Variants in SLC4A9 observed in about 807,000 individuals in gnomAD.
The protein encoded by SLC4A9 is anion exchange protein 4.
SLC4A9 carries 102 observed loss-of-function variants against 103.2 expected under a neutral mutation model. The observed-to-expected ratio is 0.99, with a 90% CI of 0.84 to 1.17. SLC4A9 has a LOEUF of 1.17. SLC4A9 is among the 50% of genes most tolerant of loss of function. SLC4A9 has a pLI of 0.00. For missense variants in SLC4A9, 1,091 were observed against 1,193.7 expected, an observed-to-expected ratio of 0.91 and a Z score of 1.27; for synonymous variants, 453 against 483.6, an observed-to-expected ratio of 0.94 and a Z score of 0.83.
At chr5:140,361,015 C>A in intron 2 of SLC4A9, 43 bp downstream of exon 2, 1 of 1,494,126 alleles carries the variant, frequency 6.7e-7, no homozygotes. Context: ...GTAGCCATGC[C>A]TTTTCCCCAG....
chr5:140,364,838 A>G (rs918528082), intron 11 of SLC4A9, among the ~76,000 whole-genome samples: 1 of 152,230 alleles, frequency 6.6e-6, no homozygotes, highest in African/African-American at 2.4e-5. Flanking sequence ...ACACTGATAA[A>G]GGAACATGGG....
chr5:140,372,943 C>T (rs980521221), intron 21 of SLC4A9, 100 bp downstream of exon 21: 10 of 647,466 alleles, frequency 1.5e-5, no homozygotes, highest in South Asian at 9.8e-5. Context: ...TTTCTCCTTA[C>T]TCCAGTCCCT....
chr5:140,365,065 C>T (rs1482502623), intron 11 of SLC4A9, among the ~76,000 whole-genome samples: 3 of 152,208 alleles, frequency 2.0e-5, no homozygotes, highest in African/African-American at 4.8e-5. Context: ...TCAAATATAT[C>T]ACTGCTCTTC....
Position 140,371,181 on chromosome 5 carries a change from A to G in SLC4A9, c.2496+18A>G. 6.3e-7 allele frequency: 1 copy of G among 1,599,754 alleles called. No homozygotes were observed. Among genetic ancestry groups the G allele is most frequent in the Non-Finnish European group, 8.5e-7 (1 of 1,172,514 alleles). On this transcript the variant is annotated intron_variant, in intron 18 of 21. Transcript: ENST00000506757. ...GCATTCAGGTGAGCCCATTAAAATC[A>G]CCTAACAAAAGAAAAAAGAAGAATA...
At chr5:140,370,960 CAT>C (rs1278604067) in intron 17 of SLC4A9, 133 bp from the exon 18 acceptor site, 4 of 649,606 alleles carry the variant, frequency 6.2e-6, no homozygotes, top group East Asian at 2.8e-5. Context: ...CGGCATGAAA[CAT>C]GTGAAAGGAA....
intron 17 of SLC4A9, 80 bp downstream of exon 17, chr5:140,368,739 C>T (rs1768273583): frequency 2.4e-6 from 3 of 1,226,658 alleles, no homozygotes; most frequent in Admixed American, 4.0e-5. Flanking sequence ...TAGTTGAATA[C>T]TTACAGTGTG....
intron 6 of SLC4A9, 115 bp from the exon 7 acceptor site, chr5:140,362,797 T>A (rs1333857078): frequency 7.6e-7 from 1 of 1,313,486 alleles, no homozygotes; most frequent in East Asian, 2.3e-5. Flanking sequence ...CATAAAGGAA[T>A]GTGTGAATGA....
chr5:140,373,381 A>G (rs758139698), intron 21 of SLC4A9, among the ~76,000 whole-genome samples: 2 of 152,196 alleles, frequency 1.3e-5, no homozygotes, highest in Non-Finnish European at 1.5e-5. Context: ...ATGGTCCCTG[A>G]CCTCAGGAAA....
intron 15 of SLC4A9, 48 bp downstream of exon 15, chr5:140,367,629 G>T: frequency 6.3e-7 from 1 of 1,599,814 alleles, no homozygotes; most frequent in East Asian, 2.3e-5. Flanking sequence ...GAAGCTCCAG[G>T]GGAGTCTACG....
chr5:140,363,166 A>G lies in SLC4A9; in HGVS notation c.962+100A>G, dbSNP rs1767359005. On this transcript the variant is annotated intron_variant, in intron 7 of 21. Coordinates refer to ENST00000506757, the MANE Select transcript of SLC4A9 (RefSeq NM_031467.3). The surrounding 1 kb of genome is among the most constrained non-coding windows in gnomAD (Gnocchi z 4.5). ...GTGGTGTCCCAGGAAAGAGATAGGG[A>G]CCTATCTTTGGATTTGGAGTCAGGC... is the stretch of plus-strand genomic sequence containing the variant. 2.8e-6 allele frequency: 4 copies of G among 1,447,896 alleles called. No homozygotes were observed. The South Asian group carries it at 3.9e-5, about 14-fold the overall frequency. 89.7% of individuals were successfully genotyped at this position (1,447,896 alleles called of 1,614,324 possible).
At chr5:140,373,037 TC>T (rs1486786153) in intron 21 of SLC4A9, among the ~76,000 whole-genome samples, 194 bp downstream of exon 21, 2 of 152,176 alleles carry the variant, frequency 1.3e-5, no homozygotes, top group Non-Finnish European at 2.9e-5. Flanking sequence ...TGGGCTTGGC[TC>T]CCTGTGGTTC....
At position 140,360,389 on chromosome 5, in the gene SLC4A9, C is replaced by G. The variant is rs80326836; in HGVS notation, c.153C>G (p.Pro51=). The change falls in exon 1 of 22, where the codon CCC becomes CCG. Residue 51 remains proline, a synonymous_variant. Coordinates refer to ENST00000506757, the MANE Select transcript of SLC4A9 (RefSeq NM_031467.3). ...CAGAGAGCAAGGAACTGGGAGTACC[C>G]AAAGACCCTCTGCTCTTCATTCAGC... ...SDTESKELGV[P]KDPLLFIQLN... is the part of the protein sequence containing the mutation. 1,226 of 1,605,542 alleles carry G rather than the reference C, an allele frequency of 7.6e-4. 25 individuals carry two copies. In the East Asian group the frequency reaches 0.026, roughly 34 times the overall value.
Position 140,363,155 on chromosome 5 carries a change from A to G in SLC4A9, c.962+89A>G. 9.4e-6 allele frequency: 14 copies of G among 1,497,126 alleles called. No individual in the cohort carries two copies. Among genetic ancestry groups the G allele is most frequent in the Non-Finnish European group, 1.1e-5 (12 of 1,111,010 alleles). The allele number at this position is 1,497,126 out of a possible 1,614,324, so 92.7% of individuals were successfully genotyped here. A position where few individuals can be genotyped will look rare whatever the true frequency, so the allele number is the denominator to read the frequency against. On this transcript the variant is annotated intron_variant, in intron 7 of 21. Transcript: ENST00000506757. This position sits in a 1 kb window ranked among gnomAD's most constrained non-coding sequence, Gnocchi z 4.5. The stretch of plus-strand genomic sequence containing the variant: ...GTTGAGGAGGGGTGGTGTCCCAGGA[A>G]AGAGATAGGGACCTATCTTTGGATT...
chr5:140,361,295 G>T lies in SLC4A9; in HGVS notation c.433G>T (p.Gly145Trp). Residue 145 changes from glycine (G) to tryptophan (W), a missense_variant, in exon 3 of 22, where the codon GGG becomes TGG. By Grantham distance (184) the Gly-to-Trp change is radical. Coordinates refer to ENST00000506757, the MANE Select transcript of SLC4A9 (RefSeq NM_031467.3). ...RVESLSPELRGQLQALLLQRP... is the reference protein window; with the variant it reads ...RVESLSPELRWQLQALLLQRP... The stretch of plus-strand genomic sequence containing the variant: ...GGAGTCGCTGAGCCCAGAGCTGAGA[G>T]GGCAGTTGCAGGCCTTGCTGCTGCA... The T allele has an allele frequency of 1.3e-6, 2 of 1,572,538 alleles. No homozygotes were observed. Among genetic ancestry groups the T allele is most frequent in the East Asian group, 2.4e-5 (1 of 42,450 alleles).
intron 21 of SLC4A9, 46 bp downstream of exon 21, chr5:140,372,889 C>G (rs112957633): frequency 8.4e-6 from 10 of 1,197,038 alleles, no homozygotes; most frequent in African/African-American, 1.5e-5. Flanking sequence ...ATGGGAGGTG[C>G]GGGTTCAGAC....
intron 10 of SLC4A9, 49 bp downstream of exon 10, chr5:140,364,236 C>G (rs1460683114): frequency 1.9e-6 from 3 of 1,570,880 alleles, no homozygotes; most frequent in Non-Finnish European, 2.6e-6. Context: ...CCATGGTCAG[C>G]CTGCTCCTGG....
At chr5:140,371,659 G>C in intron 19 of SLC4A9, 35 bp downstream of exon 19, 1 of 1,606,790 alleles carries the variant, frequency 6.2e-7, no homozygotes, top group Non-Finnish European at 8.5e-7. Flanking sequence ...TGTCCTGGAG[G>C]GTCTTGGGAG....
At chr5:140,368,528 C>A in intron 16 of SLC4A9, 59 bp from the exon 17 acceptor site, 1 of 1,478,754 alleles carries the variant, frequency 6.8e-7, no homozygotes, top group Non-Finnish European at 9.3e-7. Context: ...CCAGGATCTC[C>A]AGTCTGGATA....
chr5:140,364,001 CAAA>C, intron 9 of SLC4A9, 50 bp from the exon 10 acceptor site: 1 of 1,535,486 alleles, frequency 6.5e-7, no homozygotes, highest in Non-Finnish European at 8.8e-7. Flanking sequence ...CCCAAAGCTT[CAAA>C]GGACCCCGAG....
Sources: allele counts gnomAD v4.1 joint callset (sites outside exome capture counted in the v4.1 genomes callset), GRCh38; gene constraint gnomAD v4.1.1; non-coding constraint Gnocchi (gnomAD v3.1); transcripts MANE v1.5; gene names NCBI Gene and HGNC (gene_info 2026-07-23, HGNC 2026-07-21).